Variants in ST3GAL3 observed in about 807,000 individuals in gnomAD.
The protein encoded by ST3GAL3 is ST3 beta-galactoside alpha-2,3-sialyltransferase 3.
ST3GAL3 carries 21 observed loss-of-function variants against 50.1 expected under a neutral mutation model. The observed-to-expected ratio is 0.42, with a 90% CI of 0.30 to 0.60. The LOEUF (loss-of-function observed/expected upper bound fraction) is 0.60. ST3GAL3 is among the 20% of genes least tolerant of loss of function. The pLI, the probability that ST3GAL3 is intolerant of heterozygous loss-of-function variation, is 0.19. For synonymous variants in ST3GAL3, 183 were observed against 190.0 expected (o/e 0.96, Z 0.30); for missense variants, 353 against 489.4 (o/e 0.72, Z 2.63).
intron 2 of ST3GAL3, among the ~76,000 whole-genome samples, chr1:43,750,504 AAATT>A (rs1254444014): frequency 6.6e-6 from 1 of 152,220 alleles, no homozygotes; most frequent in Non-Finnish European, 1.5e-5. Context: ...ATAAAGAACT[AAATT>A]AAAGTACTAG....
At chr1:43,772,595 C>G (rs1695694947) in intron 2 of ST3GAL3, 1 of 152,196 alleles carries the variant, frequency 6.6e-6, no homozygotes, top group Admixed American at 6.5e-5. Context: ...GTGATCATAG[C>G]TCACTGCAGC....
chr1:43,886,726 T>C (rs1194254227), intron 5 of ST3GAL3, among the ~76,000 whole-genome samples: 1 of 152,152 alleles, frequency 6.6e-6, no homozygotes, highest in African/African-American at 2.4e-5. Flanking sequence ...GGAGGGTGAC[T>C]AGGAGATGAG....
At chr1:43,757,289 T>A (rs768281867) in intron 2 of ST3GAL3, among the ~76,000 whole-genome samples, 6 of 152,102 alleles carry the variant, frequency 3.9e-5, no homozygotes, top group Non-Finnish European at 7.4e-5. Context: ...AATTTTTGCT[T>A]TGGTAGAAAT....
At chr1:43,892,698 G>A (rs2076844820) in intron 5 of ST3GAL3, among the ~76,000 whole-genome samples, 1 of 152,110 alleles carries the variant, frequency 6.6e-6, no homozygotes, top group African/African-American at 2.4e-5. Context: ...TAGATCTTAG[G>A]CATATTTTAT....
intron 4 of ST3GAL3, among the ~76,000 whole-genome samples, chr1:43,821,101 A>G (rs2062032504): frequency 6.6e-6 from 1 of 152,172 alleles, no homozygotes; most frequent in Non-Finnish European, 1.5e-5. Flanking sequence ...ATAAACGGAA[A>G]ATTCTAAGAC....
intron 5 of ST3GAL3, among the ~76,000 whole-genome samples, chr1:43,854,678 C>T (rs998578636): frequency 1.3e-5 from 2 of 152,214 alleles, no homozygotes; most frequent in Admixed American, 6.5e-5. Flanking sequence ...CTGGACAGCT[C>T]CACTTGGATG....
intron 5 of ST3GAL3, among the ~76,000 whole-genome samples, chr1:43,854,280 G>A (rs116946136): frequency 1.8e-4 from 27 of 152,074 alleles, no homozygotes; most frequent in African/African-American, 6.3e-4. Context: ...CTCCACTCTC[G>A]CTTCTCTCCT....
rs112927454 is a variant in ST3GAL3, at chr1:43,807,917, G to T, written c.167-6974G>T. 3.8e-4 allele frequency among the ~76,000 whole-genome samples: 58 copies of T among 152,234 alleles called. 4 individuals carry two copies. Among genetic ancestry groups the T allele is most frequent in the African/African-American group, 1.3e-3 (53 of 41,536 alleles). ...GAAAGAGGTTCTGGGTGTGTGTGAG[G>T]GTGATGAAGATGAACTCTAGGGGGT... On this transcript the variant is annotated intron_variant, in intron 3 of 11. Coordinates refer to ENST00000347631, the MANE Select transcript of ST3GAL3 (RefSeq NM_006279.5).
intron 2 of ST3GAL3, among the ~76,000 whole-genome samples, chr1:43,756,017 C>G (rs1378514868): frequency 7.1e-6 from 1 of 141,146 alleles, no homozygotes; most frequent in African/African-American, 2.6e-5. Context: ...GGGAGGATCA[C>G]TTGAGCCCAG....
At chr1:43,863,036 A>G (rs966660803) in intron 5 of ST3GAL3, among the ~76,000 whole-genome samples, 1 of 152,214 alleles carries the variant, frequency 6.6e-6, no homozygotes, top group Non-Finnish European at 1.5e-5. Context: ...TGGATATTGC[A>G]TATCTGTCTG....
At chr1:43,879,227 A>G (rs2074668425) in intron 5 of ST3GAL3, 2 of 454,322 alleles carry the variant, frequency 4.4e-6, no homozygotes, top group Non-Finnish European at 8.9e-6. Context: ...AGGACTGGAC[A>G]GAAGGCCAGT....
intron 2 of ST3GAL3, among the ~76,000 whole-genome samples, chr1:43,775,436 G>A (rs1696839861): frequency 6.6e-6 from 1 of 152,166 alleles, no homozygotes; most frequent in Non-Finnish European, 1.5e-5. Context: ...GTTTCGCCAT[G>A]TTGGCCAGGC....
chr1:43,763,619 A>G (rs1186136787), intron 2 of ST3GAL3, among the ~76,000 whole-genome samples: 1 of 152,222 alleles, frequency 6.6e-6, no homozygotes, highest in Non-Finnish European at 1.5e-5. Context: ...ACCCTGAGCC[A>G]CAAGAGGGCA....
chr1:43,905,404 G>T (rs1436353213), intron 9 of ST3GAL3, among the ~76,000 whole-genome samples: 1 of 53,968 alleles, frequency 1.9e-5, no homozygotes, highest in African/African-American at 8.0e-5. Flanking sequence ...TCCCCCTTCT[G>T]CTCCTCTTCC....
chr1:43,867,398 G>A (rs1452460798), intron 5 of ST3GAL3, among the ~76,000 whole-genome samples: 1 of 152,188 alleles, frequency 6.6e-6, no homozygotes, highest in Non-Finnish European at 1.5e-5. Flanking sequence ...TTTGGGAGGA[G>A]GAAAGGGCAG....
chr1:43,890,840 T>C (rs900552372), intron 5 of ST3GAL3, among the ~76,000 whole-genome samples: 4 of 152,254 alleles, frequency 2.6e-5, no homozygotes, highest in East Asian at 1.9e-4. Flanking sequence ...GCCGTGTTCA[T>C]GCCACTGCAC....
intron 2 of ST3GAL3, among the ~76,000 whole-genome samples, chr1:43,791,559 G>A (rs1010986370): frequency 2.0e-5 from 3 of 152,280 alleles, no homozygotes; most frequent in Admixed American, 2.0e-4. Context: ...CTCATGGCAT[G>A]CATTTTGTGC....
intron 1 of ST3GAL3, among the ~76,000 whole-genome samples, chr1:43,717,145 AATT>A (rs1428228963): frequency 1.3e-5 from 2 of 152,162 alleles, no homozygotes; most frequent in Non-Finnish European, 2.9e-5. Flanking sequence ...CCTCCCAGAC[AATT>A]ATTAATTCCC....
At chr1:43,887,054 T>C (rs1349250313) in intron 5 of ST3GAL3, among the ~76,000 whole-genome samples, 1 of 152,154 alleles carries the variant, frequency 6.6e-6, no homozygotes, top group East Asian at 1.9e-4. Flanking sequence ...GGAGTACCTA[T>C]CTGATGGTCT....
Sources: gnomAD v4.1 joint callset for allele counts (sites outside exome capture counted in the v4.1 genomes callset) on GRCh38, gnomAD v4.1.1 for gene constraint, MANE v1.5 for transcripts, NCBI Gene and HGNC (gene_info 2026-07-23, HGNC 2026-07-21) for gene names.